CDYL: variants seen among roughly 807,000 people sequenced by gnomAD.
CDYL encodes the protein chromodomain Y like.
A neutral mutation model predicts 47.3 loss-of-function variants in CDYL; 8 were observed. The observed-to-expected ratio is 0.17, with a 90% CI of 0.10 to 0.31. The LOEUF is 0.31. Ranked by LOEUF, CDYL falls within the 10% of genes least tolerant of loss-of-function variation. The pLI, the probability that CDYL is intolerant of heterozygous loss-of-function variation, is 1.00. For missense variants in CDYL, 471 were observed against 701.4 expected (o/e 0.67, Z 3.71); for synonymous variants, 266 against 265.0 (o/e 1.00, Z -0.04).
At chr6:4,753,195 G>C (rs887133512) in intron 3 of CDYL, among the ~76,000 whole-genome samples, 1 of 152,158 alleles carries the variant, frequency 6.6e-6, no homozygotes, top group Non-Finnish European at 1.5e-5. Context: ...GAAAGCATGA[G>C]CCACGGTGCC....
chr6:4,803,177 A>G (rs1475908917), intron 1 of CDYL, among the ~76,000 whole-genome samples: 1 of 152,050 alleles, frequency 6.6e-6, no homozygotes, highest in African/African-American at 2.4e-5. Context: ...AGACCCTTCT[A>G]GTTTTGGCTG....
chr6:4,950,522 G>A (rs1758664870), intron 5 of CDYL, among the ~76,000 whole-genome samples: 1 of 152,200 alleles, frequency 6.6e-6, no homozygotes. Context: ...GCCGTGACAA[G>A]GACTATCAGA....
intron 1 of CDYL, among the ~76,000 whole-genome samples, chr6:4,806,249 G>A (rs756146679): frequency 2.0e-5 from 3 of 152,176 alleles, no homozygotes; most frequent in Non-Finnish European, 4.4e-5. Context: ...CCCTCTGTTG[G>A]CAAAGCCTGG....
At chr6:4,817,414 G>A (rs1759706035) in intron 1 of CDYL, among the ~76,000 whole-genome samples, 1 of 150,098 alleles carries the variant, frequency 6.7e-6, no homozygotes, top group Non-Finnish European at 1.5e-5. Context: ...GTCAGAGCCA[G>A]CTACTCACTC....
chr6:4,910,939 T>G (rs1581257581), intron 2 of CDYL, among the ~76,000 whole-genome samples: 1 of 152,112 alleles, frequency 6.6e-6, no homozygotes, highest in Non-Finnish European at 1.5e-5. Context: ...GTTCACGCCA[T>G]TCTCCTGCCT....
chr6:4,954,904 A>C lies in CDYL; in HGVS notation c.*848A>C, dbSNP rs909820355. On this transcript the variant is annotated 3_prime_UTR_variant, in exon 7 of 7. Transcript: ENST00000397588. The stretch of plus-strand genomic sequence containing the variant: ...TGCTTCTTGTTGCTGGGTGAGAAAT[A>C]CTACTTTATAGACAGTTTTGGTTTT... 1 of 152,254 alleles carries C rather than the reference A, an allele frequency of 6.6e-6. No homozygotes were observed. Among genetic ancestry groups the C allele is most frequent in the African/African-American group, 2.4e-5 (1 of 41,460 alleles). 9.4% of individuals were successfully genotyped at this position (152,254 alleles called of 1,614,324 possible).
intron 2 of CDYL, chr6:4,734,647 C>CCGTG: frequency 7.5e-7 from 1 of 1,332,042 alleles, no homozygotes; most frequent in Non-Finnish European, 1.0e-6. Flanking sequence ...ACTCCTAATT[C>CCGTG]AGGAAGGGGA....
At chr6:4,748,378 T>G (rs1298756801) in intron 3 of CDYL, among the ~76,000 whole-genome samples, 1 of 151,752 alleles carries the variant, frequency 6.6e-6, no homozygotes, top group Non-Finnish European at 1.5e-5. Flanking sequence ...ATTTTTCACC[T>G]GGAAAAAAAC....
intron 1 of CDYL, among the ~76,000 whole-genome samples, chr6:4,816,486 TTTTC>T (rs1202569016): frequency 5.3e-5 from 8 of 149,574 alleles, no homozygotes; most frequent in African/African-American, 7.5e-5. Flanking sequence ...TTTGATTTAT[TTTTC>T]TTTCTTTCTT....
intron 1 of CDYL, chr6:4,890,049 C>T: frequency 1.0e-6 from 1 of 985,404 alleles, no homozygotes; most frequent in Non-Finnish European, 1.2e-6. Flanking sequence ...TGCCTCGGCT[C>T]TAAGGAAACA....
intron 1 of CDYL, among the ~76,000 whole-genome samples, chr6:4,788,973 G>GTA (rs1225416911): frequency 1.3e-5 from 2 of 152,086 alleles, no homozygotes; most frequent in Non-Finnish European, 2.9e-5. Flanking sequence ...TCCCTGTCTT[G>GTA]TAGCTACATG....
intron 1 of CDYL, among the ~76,000 whole-genome samples, chr6:4,711,739 C>T (rs529663716): frequency 3.5e-4 from 54 of 152,208 alleles, no homozygotes; most frequent in African/African-American, 1.3e-3. Flanking sequence ...TCAGCTGAGG[C>T]TACAGGAGGG....
chr6:4,898,172 T>C (rs983384239), intron 2 of CDYL, among the ~76,000 whole-genome samples: 3 of 151,982 alleles, frequency 2.0e-5, no homozygotes, highest in Admixed American at 1.3e-4. Flanking sequence ...CAGTGAGCTA[T>C]GGTTGCACCA....
intron 1 of CDYL, among the ~76,000 whole-genome samples, chr6:4,884,891 G>A (rs184354957): frequency 2.6e-5 from 4 of 152,298 alleles, no homozygotes; most frequent in African/African-American, 7.2e-5. Context: ...TAGGAAAAGC[G>A]GTAGTCCCCG....
At chr6:4,894,834 C>CGTGTGTGTGTGTGTGT (rs71540834) in intron 2 of CDYL, among the ~76,000 whole-genome samples, 80 of 145,400 alleles carry the variant, frequency 5.5e-4, no homozygotes, top group African/African-American at 2.0e-3. Context: ...CCACAAAAGT[C>CGTGTGTGTGTGTGTGT]GTGTGTGTGT....
chr6:4,739,782 G>A (rs552852142), intron 3 of CDYL, among the ~76,000 whole-genome samples: 18 of 150,978 alleles, frequency 1.2e-4, no homozygotes, highest in Non-Finnish European at 2.2e-4. Context: ...GAGAAACCCC[G>A]TCTCTACTAA....
chr6:4,843,039 G>T lies in CDYL; in HGVS notation c.25-48674G>T, dbSNP rs145464892. Reference sequence around the variant, plus strand: ...TCTCAGTATTTGTCTTAAAAAGACGGTATCTTTTCATCATTTATGAAGTTT... The same window carrying T: ...TCTCAGTATTTGTCTTAAAAAGACGTTATCTTTTCATCATTTATGAAGTTT... On this transcript the variant is annotated intron_variant, in intron 1 of 6. Transcript: ENST00000397588. Among the ~76,000 whole-genome samples, 1,407 of 152,238 alleles carry T rather than the reference G, an allele frequency of 9.2e-3. 19 individuals are homozygous for T. The highest frequency in any genetic ancestry group is 0.032 in the African/African-American group (1,338 of 41,542).
intron 1 of CDYL, among the ~76,000 whole-genome samples, chr6:4,866,332 A>G (rs1310938596): frequency 6.6e-6 from 1 of 152,210 alleles, no homozygotes; most frequent in East Asian, 1.9e-4. Context: ...AGAGGATACA[A>G]GTGCAAAAGT....
rs1757101479 is a variant in CDYL at position 4,902,577 on chromosome 6, T to C, written c.691+10198T>C. Among the ~76,000 whole-genome samples, 3 of 152,214 alleles carry C rather than the reference T, an allele frequency of 2.0e-5. No individual in the cohort carries two copies. In the South Asian group the frequency reaches 6.2e-4, roughly 32 times the overall value. On this transcript the variant is annotated intron_variant, in intron 2 of 6. Transcript: ENST00000397588. The stretch of plus-strand genomic sequence containing the variant: ...GGAGACTGAGCTGTGCCCAGCTCTG[T>C]ACTTCCTCTTTTTGAATAGGTGTTC...
Sources: allele counts gnomAD v4.1 joint callset (sites outside exome capture counted in the v4.1 genomes callset), GRCh38; gene constraint gnomAD v4.1.1; transcripts MANE v1.5; gene names NCBI Gene and HGNC (gene_info 2026-07-23, HGNC 2026-07-21).